Variants in LYPD6B observed in about 807,000 individuals in gnomAD.
The protein encoded by LYPD6B is LY6/PLAUR domain containing 6B, also known as ly6/PLAUR domain-containing protein 6B.
LYPD6B carries 17 observed loss-of-function variants against 22.8 expected under a neutral mutation model. That is an observed-to-expected ratio of 0.75 (90% CI 0.51 to 1.12). The LOEUF (loss-of-function observed/expected upper bound fraction) is 1.12, where lower values mean the gene tolerates loss of function less well. Ranked by LOEUF, LYPD6B falls within the 50% of genes most tolerant of loss-of-function variation. The pLI is 0.00. For missense variants in LYPD6B, 221 were observed against 258.3 expected (o/e 0.86, Z 0.99); for synonymous variants, 106 against 91.6 (o/e 1.16, Z -0.90).
At chr2:149,086,265 A>G (rs188116582) in intron 1 of LYPD6B, among the ~76,000 whole-genome samples, 1,627 of 152,310 alleles carry the variant, frequency 0.011, 14 homozygotes, top group Middle Eastern at 0.034. Context: ...CTACATCTAG[A>G]AAAAAGAAAG....
chr2:149,057,764 G>T (rs1683873353), intron 1 of LYPD6B, among the ~76,000 whole-genome samples: 1 of 152,174 alleles, frequency 6.6e-6, no homozygotes. Flanking sequence ...AGGAAAGGGG[G>T]TGGAAAGGGG....
chr2:149,079,976 C>CGATTTCTG (rs1685051827), intron 1 of LYPD6B, among the ~76,000 whole-genome samples: 1 of 152,150 alleles, frequency 6.6e-6, no homozygotes, highest in African/African-American at 2.4e-5. Flanking sequence ...ACTTCTTTCC[C>CGATTTCTG]GATTTCTGAG....
At position 149,200,172 on chromosome 2, in the gene LYPD6B, TGTGA is replaced by T. The variant is rs1693062484; in HGVS notation, c.78-5077_78-5074del. On this transcript the variant is annotated intron_variant, in intron 3 of 6. Transcript: ENST00000409642. ...AGTGGTGCTTGCAGGAAGGTGTGAA[TGTGA>T]GTGTTGATAGGCATGTTGGACTTAG... Among the ~76,000 whole-genome samples the T allele has an allele frequency of 2.6e-5, 4 of 152,336 alleles. No homozygotes were observed. In the South Asian group the frequency reaches 8.3e-4, roughly 32 times the overall value.
At chr2:149,156,614 T>C (rs1457956702) in intron 2 of LYPD6B, among the ~76,000 whole-genome samples, 4 of 152,186 alleles carry the variant, frequency 2.6e-5, no homozygotes, top group Admixed American at 2.6e-4. Context: ...CTTCCATCTG[T>C]ATGTACGTGT....
intron 2 of LYPD6B, among the ~76,000 whole-genome samples, chr2:149,142,899 C>T (rs1383911579): frequency 1.3e-5 from 2 of 152,024 alleles, no homozygotes; most frequent in African/African-American, 4.8e-5. Flanking sequence ...TAGGGAGTAA[C>T]CTTCGTTTTA....
At chr2:149,063,650 G>C (rs1374684514) in intron 1 of LYPD6B, among the ~76,000 whole-genome samples, 1 of 152,158 alleles carries the variant, frequency 6.6e-6, no homozygotes, top group Non-Finnish European at 1.5e-5. Context: ...AGTGAGAAAG[G>C]ATTATTTAAC....
chr2:149,038,773 C>G lies in LYPD6B; in HGVS notation c.-95C>G, dbSNP rs893027861. 1 of 151,160 alleles carries G rather than the reference C, an allele frequency of 6.6e-6. No homozygotes were observed. The highest frequency in any genetic ancestry group is 2.4e-5 in the African/African-American group (1 of 41,300). 9.4% of individuals were successfully genotyped at this position (151,160 alleles called of 1,614,324 possible). A position where few individuals can be genotyped will look rare whatever the true frequency, so the allele number is the denominator to read the frequency against. On this transcript the variant is annotated 5_prime_UTR_variant, in exon 1 of 7. Coordinates refer to ENST00000409642, the MANE Select transcript of LYPD6B (RefSeq NM_177964.5). ...TGGGCCGGGAGCCGGGTGAGGGCGC[C>G]GAGAGGCTCGGTGGGCGCGGGCGGC...
At chr2:149,172,507 A>G (rs1279029903) in intron 3 of LYPD6B, among the ~76,000 whole-genome samples, 2 of 152,172 alleles carry the variant, frequency 1.3e-5, no homozygotes, top group Admixed American at 1.3e-4. Flanking sequence ...TTGATGCAGG[A>G]TGAGATTATG....
chr2:149,042,709 G>A (rs1166383540), intron 1 of LYPD6B, among the ~76,000 whole-genome samples: 2 of 152,110 alleles, frequency 1.3e-5, no homozygotes, highest in Non-Finnish European at 2.9e-5. Context: ...GTCAGGCGGT[G>A]AGAAGTACAG....
At chr2:149,120,076 G>T (rs1687209758) in intron 1 of LYPD6B, among the ~76,000 whole-genome samples, 1 of 151,984 alleles carries the variant, frequency 6.6e-6, no homozygotes. Flanking sequence ...GGAAGGCAGG[G>T]TATAGTCTTG....
chr2:149,136,849 A>G (rs1402627137), intron 2 of LYPD6B, among the ~76,000 whole-genome samples: 1 of 152,266 alleles, frequency 6.6e-6, no homozygotes, highest in Non-Finnish European at 1.5e-5. Context: ...GCTAAGGAGT[A>G]CAAAGATGTA....
At chr2:149,097,881 T>G (rs1228055318) in intron 1 of LYPD6B, among the ~76,000 whole-genome samples, 2 of 152,168 alleles carry the variant, frequency 1.3e-5, no homozygotes, top group Non-Finnish European at 1.5e-5. Flanking sequence ...TTTGGGGTAT[T>G]TTTGTCATTC....
rs1428871581 is a variant in LYPD6B at position 149,130,931 on chromosome 2, C to T, written c.-18C>T. 4 of 1,601,316 alleles carry T rather than the reference C, an allele frequency of 2.5e-6. No individual in the cohort carries two copies. Among genetic ancestry groups the T allele is most frequent in the South Asian group, 1.1e-5 (1 of 90,702 alleles). Reference sequence around the variant, plus strand: ...TTGGCAACCCTCCTGGACTAGGCTGCTCTTGTTAATCACATGGATGTTGTG... The same window carrying T: ...TTGGCAACCCTCCTGGACTAGGCTGTTCTTGTTAATCACATGGATGTTGTG... On this transcript the variant is annotated 5_prime_UTR_variant, in exon 2 of 7. Transcript: ENST00000409642.
chr2:149,188,732 G>T, intron 3 of LYPD6B: 1 of 967,670 alleles, frequency 1.0e-6, no homozygotes, highest in East Asian at 1.1e-4. Flanking sequence ...CTCCAGAGAG[G>T]TAGTTTTAAA....
At chr2:149,186,175 G>A (rs78419733) in intron 3 of LYPD6B, among the ~76,000 whole-genome samples, 3,521 of 152,278 alleles carry the variant, frequency 0.023, 118 homozygotes, top group African/African-American at 0.08. Context: ...CTGAAAGCTC[G>A]GCCTCTTGTG....
chr2:149,141,604 C>A (rs1056971551), intron 2 of LYPD6B, among the ~76,000 whole-genome samples: 2 of 151,726 alleles, frequency 1.3e-5, no homozygotes, highest in African/African-American at 2.4e-5. Flanking sequence ...TACTTTTTTT[C>A]TTTTTATTTA....
chr2:149,068,238 A>C (rs556997941), intron 1 of LYPD6B, among the ~76,000 whole-genome samples: 4 of 152,154 alleles, frequency 2.6e-5, no homozygotes, highest in African/African-American at 9.7e-5. Context: ...TTTGGAATAC[A>C]TCATTGCCCT....
intron 2 of LYPD6B, among the ~76,000 whole-genome samples, chr2:149,153,833 G>T (rs1413861315): frequency 6.6e-6 from 1 of 152,138 alleles, no homozygotes; most frequent in East Asian, 1.9e-4. Flanking sequence ...TCCAAGCTGG[G>T]GCCAGGGTGA....
chr2:149,116,996 C>G (rs904980545), intron 1 of LYPD6B, among the ~76,000 whole-genome samples: 3 of 152,200 alleles, frequency 2.0e-5, no homozygotes, highest in Non-Finnish European at 2.9e-5. Context: ...TCTAAATACT[C>G]TAGTGCCCTA....
Sources: allele counts gnomAD v4.1 joint callset (sites outside exome capture counted in the v4.1 genomes callset), GRCh38; gene constraint gnomAD v4.1.1; transcripts MANE v1.5; gene names NCBI Gene and HGNC (gene_info 2026-07-23, HGNC 2026-07-21).